Variants in CNTN5 observed in about 807,000 individuals in gnomAD.
CNTN5 encodes contactin 5.
A neutral mutation model predicts 129.1 loss-of-function variants in CNTN5; 77 were observed. That is an observed-to-expected ratio of 0.60 (90% CI 0.50 to 0.72). CNTN5 has a LOEUF of 0.72. CNTN5 is among the 30% of genes least tolerant of loss of function. The pLI is 0.00. For synonymous variants in CNTN5, 509 were observed against 465.6 expected (o/e 1.09, Z -1.20); for missense variants, 1,478 against 1,328.8 (o/e 1.11, Z -1.75).
At chr11:99,339,075 A>T (rs1166659080) in intron 2 of CNTN5, among the ~76,000 whole-genome samples, 1 of 150,598 alleles carries the variant, frequency 6.6e-6, no homozygotes, top group South Asian at 2.1e-4. Flanking sequence ...TGCTGAGGGG[A>T]TGGATACCCC....
At chr11:99,151,881 G>A (rs1038709529) in intron 1 of CNTN5, among the ~76,000 whole-genome samples, 11 of 152,050 alleles carry the variant, frequency 7.2e-5, no homozygotes, top group Admixed American at 7.2e-4. Context: ...AGGGGATGGG[G>A]GCAAGGGGAG....
rs1047952646 is a variant in CNTN5, at chr11:99,979,948, A to G, written c.878-22086A>G. Among the ~76,000 whole-genome samples, 12 of 152,178 alleles carry G rather than the reference A, an allele frequency of 7.9e-5. No individual in the cohort carries two copies. In the East Asian group the frequency reaches 2.3e-3, roughly 29 times the overall value. ...TTTTCAACTTCCATGAGTCAAACCAATTCAAAGGGTTATGAGGAGTAGAGT... is the reference window on the plus strand; with the variant it reads ...TTTTCAACTTCCATGAGTCAAACCAGTTCAAAGGGTTATGAGGAGTAGAGT... On this transcript the variant is annotated intron_variant, in intron 8 of 24. Coordinates refer to ENST00000524871, the MANE Select transcript of CNTN5 (RefSeq NM_014361.4).
intron 1 of CNTN5, among the ~76,000 whole-genome samples, chr11:99,229,872 A>G (rs980999790): frequency 6.6e-6 from 1 of 152,054 alleles, no homozygotes; most frequent in Non-Finnish European, 1.5e-5. Context: ...AAAAAAGAGT[A>G]TCTGTCTATC....
In CNTN5 at chr11:100,232,911, A is replaced by T. The variant is rs1949522681; in HGVS notation, c.2005+8099A>T. On this transcript the variant is annotated intron_variant, in intron 16 of 24. Transcript: ENST00000524871. Reference sequence around the variant, plus strand: ...TCGGGCACTGCACTAAAGGCTCCATATTATAATAATTATTTCACTTTATTT... The same window carrying T: ...TCGGGCACTGCACTAAAGGCTCCATTTTATAATAATTATTTCACTTTATTT... Among the ~76,000 whole-genome samples, 3 of 152,278 alleles carry T rather than the reference A, an allele frequency of 2.0e-5. No homozygotes were observed. The South Asian group carries it at 6.2e-4, about 32-fold the overall frequency.
At chr11:99,086,392 A>G (rs575751394) in intron 1 of CNTN5, among the ~76,000 whole-genome samples, 37 of 152,342 alleles carry the variant, frequency 2.4e-4, no homozygotes, top group African/African-American at 8.2e-4. Context: ...TCTGCAGGCT[A>G]TACAGGAAGC....
chr11:99,757,322 A>C (rs1174541817), intron 3 of CNTN5, among the ~76,000 whole-genome samples: 3 of 146,832 alleles, frequency 2.0e-5, no homozygotes, highest in African/African-American at 7.6e-5. Flanking sequence ...TTATAAGTTC[A>C]TTTTAACTTG....
chr11:100,317,850 C>T (rs1951599072), intron 21 of CNTN5, among the ~76,000 whole-genome samples: 1 of 152,092 alleles, frequency 6.6e-6, no homozygotes, highest in Non-Finnish European at 1.5e-5. Flanking sequence ...GAAATTTTGA[C>T]ACAAACCATT....
chr11:99,999,949 C>T (rs1208182490), intron 8 of CNTN5, among the ~76,000 whole-genome samples: 80 of 149,504 alleles, frequency 5.4e-4, no homozygotes, highest in Non-Finnish European at 9.2e-4. Context: ...TAGATAGGAA[C>T]TGAACAATGA....
intron 6 of CNTN5, among the ~76,000 whole-genome samples, chr11:99,857,079 C>G (rs1296532240): frequency 6.8e-6 from 1 of 146,720 alleles, no homozygotes; most frequent in African/African-American, 2.5e-5. Context: ...TCCCTCTCTT[C>G]CTCTCTCTCT....
chr11:99,035,516 A>G (rs1863673535), intron 1 of CNTN5, among the ~76,000 whole-genome samples: 2 of 149,504 alleles, frequency 1.3e-5, no homozygotes, highest in South Asian at 2.1e-4. Flanking sequence ...TCCCTTTACC[A>G]TTATGTAATG....
chr11:99,598,329 CCTCTCTCTCT>C lies in CNTN5; in HGVS notation c.55+42096_55+42105del, dbSNP rs1163753320. On this transcript the variant is annotated intron_variant, in intron 3 of 24. Transcript: ENST00000524871. ...CTTTTCTTTTCTTTTCTTTTCTGTC[CCTCTCTCTCT>C]CTCTCTCTCTCTCTCTCTCTCTCTC... 2.4e-3 allele frequency among the ~76,000 whole-genome samples: 30 copies of C among 12,660 alleles called. 1 individual carries two copies. The highest frequency in any genetic ancestry group is 9.5e-3 in the African/African-American group (27 of 2,848). The allele number at this position is 12,660 out of a possible 152,430, so 8.3% of individuals were successfully genotyped here.
intron 23 of CNTN5, among the ~76,000 whole-genome samples, chr11:100,347,396 TA>T (rs1236588327): frequency 2.6e-5 from 4 of 152,084 alleles, no homozygotes; most frequent in Non-Finnish European, 5.9e-5. Context: ...TTCCACAAAT[TA>T]AAAAGACTCA....
At chr11:99,077,282 CA>C (rs1865615877) in intron 1 of CNTN5, among the ~76,000 whole-genome samples, 1 of 146,646 alleles carries the variant, frequency 6.8e-6, no homozygotes, top group Non-Finnish European at 1.5e-5. Flanking sequence ...ACAACATCAA[CA>C]ACAAAATTAC....
chr11:100,147,225 C>T lies in CNTN5; in HGVS notation c.1581-43901C>T, dbSNP rs1043724172. 8.5e-5 allele frequency among the ~76,000 whole-genome samples: 13 copies of T among 152,260 alleles called. No individual in the cohort carries two copies. In the East Asian group the frequency reaches 2.5e-3, roughly 30 times the overall value. On this transcript the variant is annotated intron_variant, in intron 13 of 24. Transcript: ENST00000524871. ...TGAGACTCCAGGCAGGGTCCCATCT[C>T]TGTGCAGCTGGCTTATACTATTTTC...
At chr11:99,929,672 C>T (rs1362032812) in intron 7 of CNTN5, among the ~76,000 whole-genome samples, 2 of 152,158 alleles carry the variant, frequency 1.3e-5, no homozygotes, top group Non-Finnish European at 2.9e-5. Context: ...TTACTGACTT[C>T]ATGAGAACAG....
intron 2 of CNTN5, among the ~76,000 whole-genome samples, chr11:99,533,362 A>T (rs1214224772): frequency 3.9e-5 from 6 of 152,348 alleles, no homozygotes; most frequent in Middle Eastern, 6.8e-3. Context: ...AAACAGTAAC[A>T]TCAGGTAGGC....
chr11:100,185,028 TGAA>T (rs1402994452), intron 13 of CNTN5, among the ~76,000 whole-genome samples: 1 of 152,058 alleles, frequency 6.6e-6, no homozygotes, highest in Admixed American at 6.6e-5. Flanking sequence ...TGCCGCCATG[TGAA>T]GAAGGACATG....
chr11:99,994,330 A>T (rs1485283709), intron 8 of CNTN5, among the ~76,000 whole-genome samples: 1 of 152,150 alleles, frequency 6.6e-6, no homozygotes, highest in Non-Finnish European at 1.5e-5. Flanking sequence ...CAACCTTGGT[A>T]CCTTACTTAA....
intron 2 of CNTN5, among the ~76,000 whole-genome samples, chr11:99,515,756 T>C (rs118071187): frequency 0.051 from 7,711 of 152,080 alleles, 199 homozygotes; most frequent in South Asian, 0.08. Context: ...GTTTTATTTC[T>C]ATATGCTATT....
Sources: gnomAD v4.1 joint callset for allele counts (sites outside exome capture counted in the v4.1 genomes callset) on GRCh38, gnomAD v4.1.1 for gene constraint, MANE v1.5 for transcripts, NCBI Gene and HGNC (gene_info 2026-07-23, HGNC 2026-07-21) for gene names.